Variants in CGREF1 observed in about 807,000 individuals in gnomAD.
CGREF1 encodes the protein cell growth regulator with EF hand domain protein 1.
Under a neutral mutation model 17.4 loss-of-function variants are expected in CGREF1, and 16 were observed. That is an observed-to-expected ratio of 0.92 (90% CI 0.62 to 1.40). CGREF1 has a LOEUF of 1.40. Among genes scored for constraint, CGREF1 ranks in the 40% most tolerant of loss-of-function variants. The probability of loss-of-function intolerance (pLI) is 0.00; values close to 1 mark genes in which losing one functional copy is unlikely to be tolerated. For missense variants in CGREF1, 296 were observed against 376.4 expected (o/e 0.79, Z 1.77); for synonymous variants, 142 against 154.6 (o/e 0.92, Z 0.61).
In CGREF1 at chr2:27,102,380, T is replaced by C. The variant is rs1670923003; in HGVS notation, c.197A>G (p.Glu66Gly). 6.2e-7 allele frequency: 1 copy of C among 1,614,084 alleles called. No individual in the cohort carries two copies. The highest frequency in any genetic ancestry group is 1.1e-5 in the South Asian group (1 of 91,076). Residue 66 changes from glutamate (E) to glycine (G), a missense_variant, in exon 4 of 6, where the codon GAG becomes GGG. Transcript: ENST00000402394. ...CTCACCCTGCTCCCGGCTCAGATGC[T>C]CCAGTTGCACTTCTGTCCTTCCTAG... Reference protein sequence around the residue: ...KGLGRTEVQLEHLSREQVLLY... With the variant: ...KGLGRTEVQLGHLSREQVLLY...
downstream of CGREF1, chr2:27,100,199 A>G (rs1353898464): frequency 1.4e-5 from 6 of 431,176 alleles, no homozygotes; most frequent in Admixed American, 3.5e-5. Flanking sequence ...AGAAACCGTG[A>G]GAGCTCTTCG....
At chr2:27,109,243 G>A (rs911350410) in intron 1 of CGREF1, among the ~76,000 whole-genome samples, 8 of 151,924 alleles carry the variant, frequency 5.3e-5, no homozygotes, top group African/African-American at 1.5e-4. Flanking sequence ...ATGGTGGGGT[G>A]TGCCTGTAGT....
rs554299644 is a variant in CGREF1 at position 27,105,794 on chromosome 2, G to A, written c.-11-1417C>T. 4.6e-5 allele frequency among the ~76,000 whole-genome samples: 7 copies of A among 152,290 alleles called. No homozygotes were observed. The South Asian group carries it at 1.0e-3, about 23-fold the overall frequency. On this transcript the variant is annotated intron_variant, in intron 1 of 5. Transcript: ENST00000402394. Reference sequence around the variant, plus strand: ...ACACCTGACCTCAGGTGATCTGCCCGCCTGGGCCTCCCAAAGTGCTGGGAT... The same window carrying A: ...ACACCTGACCTCAGGTGATCTGCCCACCTGGGCCTCCCAAAGTGCTGGGAT...
At chr2:27,101,968 C>T in intron 5 of CGREF1, 80 bp from the exon 6 acceptor site, 1 of 1,570,308 alleles carries the variant, frequency 6.4e-7, no homozygotes, top group African/African-American at 1.4e-5. Context: ...CACACCCTTG[C>T]ATCCCTGCCG....
At position 27,102,361 on chromosome 2, in the gene CGREF1, CTGCTCCCGGCTCAGA is replaced by C; in HGVS notation, c.201_215del (p.His67_Glu71del). ...GGCCCCATCAGCCCAGCCCCTCACCCTGCTCCCGGCTCAGATGCTCCAGTTGCACTTCTGTCCTTC... is the reference window on the plus strand; with the variant it reads ...GGCCCCATCAGCCCAGCCCCTCACCCTGCTCCAGTTGCACTTCTGTCCTTC... On this transcript the variant is annotated inframe_deletion and splice_region_variant, in exon 4 of 6. Transcript: ENST00000402394. The C allele has an allele frequency of 6.2e-7, 1 of 1,614,126 alleles. No homozygotes were observed. The highest frequency in any genetic ancestry group is 8.5e-7 in the Non-Finnish European group (1 of 1,179,982).
intron 1 of CGREF1, chr2:27,110,579 T>A (rs1001682350): frequency 9.3e-5 from 14 of 151,018 alleles, no homozygotes; most frequent in African/African-American, 1.5e-4. Flanking sequence ...AAATAAAAAA[T>A]ATATATATAC....
At chr2:27,103,396 TAG>T (rs2148382804) in intron 2 of CGREF1, among the ~76,000 whole-genome samples, 1 of 151,206 alleles carries the variant, frequency 6.6e-6, no homozygotes, top group Non-Finnish European at 1.5e-5. Flanking sequence ...TTTTCTGAGA[TAG>T]AGTCTCGCTC....
chr2:27,102,334 C>G (rs1394671263), intron 4 of CGREF1, 26 bp downstream of exon 4: 2 of 1,613,780 alleles, frequency 1.2e-6, no homozygotes, highest in Admixed American at 3.3e-5. Context: ...CCTCCCGTCC[C>G]TGGCCCCATC....
Position 27,101,264 on chromosome 2 carries a change from T to G in CGREF1, c.*10A>C. On this transcript the variant is annotated 3_prime_UTR_variant, in exon 6 of 6. Coordinates refer to ENST00000402394, the MANE Select transcript of CGREF1 (RefSeq NM_006569.6). ...ACTGAGACTTCGTGGGGTACCTGTATCTTCAAGATCTAGATCTCATCATTC... is the reference window on the plus strand; with the variant it reads ...ACTGAGACTTCGTGGGGTACCTGTAGCTTCAAGATCTAGATCTCATCATTC... The G allele has an allele frequency of 6.5e-7, 1 of 1,532,570 alleles. No individual in the cohort carries two copies. Among genetic ancestry groups the G allele is most frequent in the African/African-American group, 1.4e-5 (1 of 72,358 alleles). 94.9% of individuals were successfully genotyped at this position (1,532,570 alleles called of 1,614,324 possible). A position where few individuals can be genotyped will look rare whatever the true frequency, so the allele number is the denominator to read the frequency against.
chr2:27,118,223 T>C (rs1671660452), intron 1 of CGREF1, among the ~76,000 whole-genome samples: 1 of 152,038 alleles, frequency 6.6e-6, no homozygotes, highest in South Asian at 2.1e-4. Context: ...AGCAACCCTG[T>C]CAAATGGCCT....
downstream of CGREF1, chr2:27,099,846 C>T (rs1452160639): frequency 6.4e-7 from 1 of 1,555,682 alleles, no homozygotes; most frequent in Non-Finnish European, 8.7e-7. Flanking sequence ...TTGCCCTGTT[C>T]AGGGGACAGA....
At chr2:27,110,144 G>A (rs1428206835) in intron 1 of CGREF1, among the ~76,000 whole-genome samples, 2 of 151,758 alleles carry the variant, frequency 1.3e-5, no homozygotes, top group African/African-American at 2.4e-5. Context: ...GATCACTTGA[G>A]CCCAGGAGTT....
At chr2:27,102,854 G>C in intron 2 of CGREF1, 1 of 858,252 alleles carries the variant, frequency 1.2e-6, no homozygotes, top group South Asian at 5.3e-5. Context: ...GTAGAGGCCA[G>C]ATGAGGCCAC....
Position 27,104,216 on chromosome 2 carries a change from A to C in CGREF1, c.80+71T>G, listed in dbSNP as rs1205509397. 2.7e-6 allele frequency: 4 copies of C among 1,473,570 alleles called. No individual in the cohort carries two copies. In the African/African-American group the frequency reaches 4.2e-5, roughly 16 times the overall value. 91.3% of individuals were successfully genotyped at this position (1,473,570 alleles called of 1,614,324 possible). On this transcript the variant is annotated intron_variant, in intron 2 of 5. Transcript: ENST00000402394. ...CAGTCTCCTGCCTCCCAGAGGGCCC[A>C]CCACACCCTTGGATTCTCTAGAGAC...
downstream of CGREF1, chr2:27,099,814 T>G (rs1182637240): frequency 1.3e-6 from 2 of 1,582,070 alleles, no homozygotes; most frequent in South Asian, 1.1e-5. Context: ...CCTTCTCCCC[T>G]CCATCCAGCC....
chr2:27,104,681 G>T (rs1671050430), intron 1 of CGREF1: 1 of 1,550,416 alleles, frequency 6.4e-7, no homozygotes, highest in East Asian at 2.4e-5. Context: ...AGGTGCCAAG[G>T]TGCCCAGAGA....
chr2:27,117,691 G>A (rs1208326548), intron 1 of CGREF1, among the ~76,000 whole-genome samples: 3 of 150,610 alleles, frequency 2.0e-5, no homozygotes, highest in African/African-American at 7.3e-5. Flanking sequence ...ACCTCTCTGA[G>A]CCCTGGGATC....
chr2:27,102,912 G>A (rs1254773468), intron 2 of CGREF1: 1 of 984,902 alleles, frequency 1.0e-6, no homozygotes, highest in Non-Finnish European at 1.2e-6. Context: ...CCAGTGAGTG[G>A]CAGGACAACA....
At position 27,101,614 on chromosome 2, in the gene CGREF1, T is replaced by C; in HGVS notation, c.617A>G (p.Gln206Arg). 6.2e-7 allele frequency: 1 copy of C among 1,614,110 alleles called. No individual in the cohort carries two copies. Among genetic ancestry groups the C allele is most frequent in the South Asian group, 1.1e-5 (1 of 91,082 alleles). ...EARRESLDPV[Q>R]EPGGQAEADG... ...AGCCTCTGCCTGGCCCCCAGGCTCC[T>C]GGACAGGATCCAAAGACTCCCTTCT... is the stretch of plus-strand genomic sequence containing the variant. Residue 206 changes from glutamine to arginine, a missense_variant, in exon 6 of 6, where the codon CAG (glutamine) becomes CGG (arginine). Physicochemically the swap from Gln to Arg is conservative, Grantham distance 43. Coordinates refer to ENST00000402394, the MANE Select transcript of CGREF1 (RefSeq NM_006569.6).
Sources: allele counts gnomAD v4.1 joint callset (sites outside exome capture counted in the v4.1 genomes callset), GRCh38; gene constraint gnomAD v4.1.1; transcripts MANE v1.5; gene names NCBI Gene and HGNC (gene_info 2026-07-23, HGNC 2026-07-21).